CALD1: variants seen among roughly 807,000 people sequenced by gnomAD.
The protein encoded by CALD1 is caldesmon 1.
Under a neutral mutation model 99.9 loss-of-function variants are expected in CALD1, and 33 were observed. The observed-to-expected ratio is 0.33, with a 90% confidence interval of 0.25 to 0.44. The LOEUF (loss-of-function observed/expected upper bound fraction) is 0.44, where lower values mean the gene tolerates loss of function less well. CALD1 is among the 20% of genes least tolerant of loss of function. The probability of loss-of-function intolerance (pLI) is 1.00; values close to 1 mark genes in which losing one functional copy is unlikely to be tolerated. For missense variants in CALD1, 861 were observed against 962.1 expected (o/e 0.89, Z 1.39); for synonymous variants, 310 against 325.0 (o/e 0.95, Z 0.50).
At chr7:134,777,348 A>G (rs1412870477), upstream of CALD1, among the ~76,000 whole-genome samples, 1 of 152,210 alleles carries the variant, frequency 6.6e-6, no homozygotes, top group Non-Finnish European at 1.5e-5. Context: ...ACTATACCCT[A>G]TATATGAGAT....
At chr7:134,842,138 T>C (rs577866329) in intron 1 of CALD1, among the ~76,000 whole-genome samples, 1 of 152,216 alleles carries the variant, frequency 6.6e-6, no homozygotes, top group Non-Finnish European at 1.5e-5. Flanking sequence ...TACATCACCT[T>C]GTGCTGTGTC....
At chr7:134,711,698 G>A in the CALD1 span, among the ~76,000 whole-genome samples, 1,658 of 130,678 alleles carry the variant, frequency 0.013, 125 homozygotes, top group East Asian at 0.14. Flanking sequence ...GTGTGTGTGT[G>A]TGTGTGTGTG....
At chr7:134,724,507 T>C in the CALD1 span, among the ~76,000 whole-genome samples, 3 of 152,302 alleles carry the variant, frequency 2.0e-5, no homozygotes, top group Admixed American at 6.5e-5. Context: ...TAACTAAGAT[T>C]ACAGCACACC....
chr7:134,887,451 A>T (rs1196023167), intron 3 of CALD1, among the ~76,000 whole-genome samples: 1 of 152,212 alleles, frequency 6.6e-6, no homozygotes, highest in African/African-American at 2.4e-5. Context: ...GAATTTCTTC[A>T]TAAGAAAATT....
At chr7:134,774,655 A>G (rs1354266241), upstream of CALD1, among the ~76,000 whole-genome samples, 1 of 152,198 alleles carries the variant, frequency 6.6e-6, no homozygotes, top group Admixed American at 6.5e-5. Context: ...AGAGGTTCCC[A>G]GGGCTTCCAT....
intron 11 of CALD1, among the ~76,000 whole-genome samples, chr7:134,959,569 C>G (rs1052680589): frequency 1.1e-4 from 17 of 152,062 alleles, no homozygotes; most frequent in Admixed American, 2.0e-4. Context: ...ACTCGGGAAG[C>G]TGAAGTGGGA....
In CALD1 at chr7:134,933,147, A is replaced by C. The variant is rs778164980; in HGVS notation, c.378A>C (p.Thr126=). The change falls in exon 5 of 15, where the codon ACA becomes ACC. Residue 126 remains threonine (T), a synonymous_variant. Coordinates refer to ENST00000361675, the MANE Select transcript of CALD1 (RefSeq NM_033138.4). ...AGAAGGAGTTCGACCCAACAATAAC[A>C]GATGCAAGTCTGTCGCTCCCAAGCA... ...ERQKEFDPTI[T]DASLSLPSRR... is the part of the protein sequence containing the mutation. The C allele has an allele frequency of 6.2e-7, 1 of 1,613,810 alleles. No individual in the cohort carries two copies. The highest frequency in any genetic ancestry group is 1.3e-5 in the African/African-American group (1 of 74,924).
chr7:134,874,686 T>G (rs940083278), intron 3 of CALD1, among the ~76,000 whole-genome samples: 3 of 152,218 alleles, frequency 2.0e-5, no homozygotes, highest in African/African-American at 7.2e-5. Flanking sequence ...CGTTATCAGA[T>G]TCAGAAGCTT....
chr7:134,771,429 T>C (rs1796877121), intron 1 of CALD1, among the ~76,000 whole-genome samples: 1 of 152,174 alleles, frequency 6.6e-6, no homozygotes, highest in African/African-American at 2.4e-5. Context: ...GAGACACTCT[T>C]GATTCCTCTC....
At chr7:134,839,380 A>T (rs1176337158) in intron 1 of CALD1, among the ~76,000 whole-genome samples, 3 of 152,178 alleles carry the variant, frequency 2.0e-5, no homozygotes, top group Non-Finnish European at 4.4e-5. Flanking sequence ...ATTCAAGTTC[A>T]TGTCTTCTGG....
At chr7:134,756,158 TG>T (rs1228972986) in intron 1 of CALD1, among the ~76,000 whole-genome samples, 1 of 150,488 alleles carries the variant, frequency 6.6e-6, no homozygotes, top group Non-Finnish European at 1.5e-5. Flanking sequence ...CCCAAAGTGC[TG>T]GGATTACAGG....
At chr7:134,753,022 A>C (rs972669953) in intron 1 of CALD1, among the ~76,000 whole-genome samples, 247 of 95,736 alleles carry the variant, frequency 2.6e-3, no homozygotes, top group African/African-American at 0.013. Context: ...AAAAAAAAAA[A>C]CAAAAAAAAA....
At chr7:134,823,154 G>T (rs1798849109) in intron 1 of CALD1, among the ~76,000 whole-genome samples, 1 of 152,152 alleles carries the variant, frequency 6.6e-6, no homozygotes, top group East Asian at 1.9e-4. Flanking sequence ...GAAAATTTCT[G>T]TAATTTTCAT....
At chr7:134,922,047 A>T (rs1804658052) in intron 3 of CALD1, among the ~76,000 whole-genome samples, 1 of 152,172 alleles carries the variant, frequency 6.6e-6, no homozygotes, top group Admixed American at 6.5e-5. Context: ...ACATTATTAA[A>T]TTTTTTACAT....
At chr7:134,955,560 G>A (rs1204810651) in intron 9 of CALD1, among the ~76,000 whole-genome samples, 1 of 152,214 alleles carries the variant, frequency 6.6e-6, no homozygotes, top group Non-Finnish European at 1.5e-5. Flanking sequence ...CCTCTTCATG[G>A]CTTGCAGATG....
intron 1 of CALD1, among the ~76,000 whole-genome samples, chr7:134,764,953 C>A (rs1183403878): frequency 6.6e-6 from 1 of 152,118 alleles, no homozygotes; most frequent in East Asian, 1.9e-4. Flanking sequence ...CTCAGCCAAG[C>A]CTTAACTTTA....
chr7:134,771,342 C>T (rs1796876430), intron 1 of CALD1, among the ~76,000 whole-genome samples: 2 of 152,122 alleles, frequency 1.3e-5, no homozygotes, highest in Admixed American at 1.3e-4. Context: ...CCCCTCCCTG[C>T]AAATGTCCGT....
At position 134,933,530 on chromosome 7, in the gene CALD1, A is replaced by G; in HGVS notation, c.761A>G (p.His254Arg). 6.2e-7 allele frequency: 1 copy of G among 1,613,970 alleles called. No homozygotes were observed. Among genetic ancestry groups the G allele is most frequent in the Non-Finnish European group, 8.5e-7 (1 of 1,179,932 alleles). ...REQGSDEISHHEKMEEEDKER... is the reference protein window; with the variant it reads ...REQGSDEISHREKMEEEDKER... ...CAAGGTTCAGATGAGATTTCCCATC[A>G]TGAAAAGATGGAAGAGGAAGACAAG... Residue 254 changes from histidine to arginine, a missense_variant, in exon 5 of 15, where the codon CAT becomes CGT. Coordinates refer to ENST00000361675, the MANE Select transcript of CALD1 (RefSeq NM_033138.4).
intron 3 of CALD1, among the ~76,000 whole-genome samples, chr7:134,897,157 T>C (rs536551282): frequency 6.6e-6 from 1 of 152,228 alleles, no homozygotes; most frequent in Admixed American, 6.5e-5. Flanking sequence ...CAAATACTCA[T>C]TGAGGGTTTC....
Sources: gnomAD v4.1 joint callset for allele counts (sites outside exome capture counted in the v4.1 genomes callset) on GRCh38, gnomAD v4.1.1 for gene constraint, MANE v1.5 for transcripts, NCBI Gene and HGNC (gene_info 2026-07-23, HGNC 2026-07-21) for gene names.